The following GRIP1 variants were observed in gnomAD, a reference collection of about 807,000 sequenced individuals.
The protein encoded by GRIP1 is glutamate receptor interacting protein 1.
A neutral mutation model predicts 129.9 loss-of-function variants in GRIP1; 45 were observed. The ratio of observed to expected loss-of-function variants is 0.35; its 90% CI spans 0.27 to 0.44. The LOEUF (loss-of-function observed/expected upper bound fraction) is 0.44, where lower values mean the gene tolerates loss of function less well. Among genes scored for constraint, GRIP1 ranks in the 20% least tolerant of loss-of-function variants. The probability of loss-of-function intolerance (pLI) is 1.00; values close to 1 mark genes in which losing one functional copy is unlikely to be tolerated. For synonymous variants in GRIP1, 530 were observed against 520.8 expected (o/e 1.02, Z -0.24); for missense variants, 1,196 against 1,396.8 (o/e 0.86, Z 2.29).
intron 1 of GRIP1, among the ~76,000 whole-genome samples, chr12:66,676,306 G>C (rs1307116485): frequency 6.6e-6 from 1 of 152,046 alleles, no homozygotes; most frequent in Non-Finnish European, 1.5e-5. Context: ...GTAGAAAATT[G>C]TTTCCCTTTT....
intron 1 of GRIP1, among the ~76,000 whole-genome samples, chr12:66,950,997 T>C (rs567785931): frequency 2.6e-5 from 4 of 152,340 alleles, no homozygotes; most frequent in South Asian, 4.1e-4. Context: ...CATTTAGTCA[T>C]GTGACCTTTA....
intron 1 of GRIP1, among the ~76,000 whole-genome samples, chr12:66,899,172 T>C (rs1362980323): frequency 1.3e-5 from 2 of 152,156 alleles, no homozygotes; most frequent in African/African-American, 4.8e-5. Context: ...TTGATCTCTA[T>C]CTTCTTTGAC....
intron 7 of GRIP1, among the ~76,000 whole-genome samples, chr12:66,466,713 T>C (rs2059296865): frequency 6.6e-6 from 1 of 152,222 alleles, no homozygotes; most frequent in Admixed American, 6.5e-5. Flanking sequence ...ATATAGGATA[T>C]TTTCATTATT....
At chr12:66,995,205 G>A (rs550733582) in intron 1 of GRIP1, among the ~76,000 whole-genome samples, 6 of 148,798 alleles carry the variant, frequency 4.0e-5, no homozygotes, top group Admixed American at 1.3e-4. Context: ...GACTCAAAAT[G>A]GATCATATCT....
At chr12:66,668,170 A>G (rs925124841) in intron 1 of GRIP1, among the ~76,000 whole-genome samples, 8 of 152,238 alleles carry the variant, frequency 5.3e-5, no homozygotes, top group African/African-American at 1.9e-4. Flanking sequence ...GCATACATTT[A>G]AAATAAACAA....
At chr12:66,856,347 G>A (rs2040003451) in intron 1 of GRIP1, among the ~76,000 whole-genome samples, 1 of 152,074 alleles carries the variant, frequency 6.6e-6, no homozygotes, top group Non-Finnish European at 1.5e-5. Context: ...AAAAGCAATG[G>A]CAACAGAAGC....
chr12:66,650,582 C>CAAGA (rs2032722001), intron 1 of GRIP1, among the ~76,000 whole-genome samples: 1 of 152,156 alleles, frequency 6.6e-6, no homozygotes, highest in African/African-American at 2.4e-5. Context: ...ACACTGTGAT[C>CAAGA]AAGAATACCT....
chr12:66,770,698 A>G (rs1282125989), intron 1 of GRIP1, among the ~76,000 whole-genome samples: 1 of 152,216 alleles, frequency 6.6e-6, no homozygotes, highest in Non-Finnish European at 1.5e-5. Flanking sequence ...TTACTCTGTC[A>G]TAGAGATTTT....
intron 1 of GRIP1, among the ~76,000 whole-genome samples, chr12:67,063,669 C>T (rs2135897025): frequency 6.6e-6 from 1 of 152,244 alleles, no homozygotes; most frequent in East Asian, 1.9e-4. Context: ...TGAATCAAAT[C>T]CTAAATGCCT....
At chr12:66,799,135 G>A (rs181582276) in intron 1 of GRIP1, among the ~76,000 whole-genome samples, 8 of 152,216 alleles carry the variant, frequency 5.3e-5, no homozygotes, top group African/African-American at 1.7e-4. Context: ...GGTTGACAAA[G>A]TAGATTCTAA....
chr12:66,748,603 T>A (rs1290709469), intron 1 of GRIP1, among the ~76,000 whole-genome samples: 1 of 152,204 alleles, frequency 6.6e-6, no homozygotes, highest in Non-Finnish European at 1.5e-5. Flanking sequence ...CTTAGGATGA[T>A]GTGGTTTAAG....
chr12:66,570,620 A>C (rs1425483093), intron 2 of GRIP1, among the ~76,000 whole-genome samples: 1 of 152,176 alleles, frequency 6.6e-6, no homozygotes, highest in Non-Finnish European at 1.5e-5. Context: ...GTCTATAATA[A>C]TGCTGCACAG....
chr12:66,723,206 CTT>C (rs1409295484), intron 1 of GRIP1, among the ~76,000 whole-genome samples: 1 of 50,882 alleles, frequency 2.0e-5, no homozygotes, highest in Non-Finnish European at 3.4e-5. Context: ...ATCTTCTTTT[CTT>C]TCTTTCTTTC....
At chr12:66,445,873 C>G (rs1305312081) in intron 11 of GRIP1, among the ~76,000 whole-genome samples, 5 of 152,116 alleles carry the variant, frequency 3.3e-5, no homozygotes, top group African/African-American at 1.2e-4. Flanking sequence ...GTGTCTATAT[C>G]CTATCTAAGA....
At chr12:66,924,093 C>G (rs962905988) in intron 1 of GRIP1, among the ~76,000 whole-genome samples, 1 of 152,144 alleles carries the variant, frequency 6.6e-6, no homozygotes, top group East Asian at 1.9e-4. Context: ...GATTCACCCC[C>G]CTCGGCCTCC....
chr12:66,886,005 G>A (rs1394997654), intron 1 of GRIP1, among the ~76,000 whole-genome samples: 4 of 152,232 alleles, frequency 2.6e-5, no homozygotes, highest in Non-Finnish European at 5.9e-5. Flanking sequence ...GTTCACGCCT[G>A]TAATCCCAGC....
intron 1 of GRIP1, among the ~76,000 whole-genome samples, chr12:67,048,663 T>C (rs1179500983): frequency 1.3e-5 from 2 of 152,136 alleles, no homozygotes; most frequent in Admixed American, 1.3e-4. Context: ...ACTCCCATAA[T>C]TCCCATGTGT....
At chr12:66,468,750 A>G (rs1442969369) in intron 7 of GRIP1, among the ~76,000 whole-genome samples, 1 of 151,690 alleles carries the variant, frequency 6.6e-6, no homozygotes, top group Non-Finnish European at 1.5e-5. Context: ...TAATGTTCCA[A>G]TGATCATGAA....
chr12:66,569,365 T>C (rs1320579714), intron 2 of GRIP1, among the ~76,000 whole-genome samples: 2 of 152,050 alleles, frequency 1.3e-5, no homozygotes, highest in Non-Finnish European at 2.9e-5. Context: ...CAATCCCAGC[T>C]ACTGGGGAAG....
Sources: gnomAD v4.1 joint callset for allele counts (sites outside exome capture counted in the v4.1 genomes callset) on GRCh38, gnomAD v4.1.1 for gene constraint, MANE v1.5 for transcripts, NCBI Gene and HGNC (gene_info 2026-07-23, HGNC 2026-07-21) for gene names.